CSMD2: variants seen among roughly 807,000 people sequenced by gnomAD.
CSMD2 encodes CUB and sushi domain-containing protein 2.
CSMD2 carries 130 observed loss-of-function variants against 398.5 expected under a neutral mutation model. The ratio of observed to expected loss-of-function variants is 0.33; its 90% CI spans 0.28 to 0.38. The LOEUF is 0.38. CSMD2 is among the 10% of genes least tolerant of loss of function. The pLI, the probability that CSMD2 is intolerant of heterozygous loss-of-function variation, is 1.00. For missense variants in CSMD2, 3,829 were observed against 4,764.9 expected, an observed-to-expected ratio of 0.80 and a Z score of 5.78; for synonymous variants, 1,828 against 1,908.5, an observed-to-expected ratio of 0.96 and a Z score of 1.10.
At chr1:33,689,457 C>T (rs993223246) in intron 25 of CSMD2, among the ~76,000 whole-genome samples, 2 of 152,134 alleles carry the variant, frequency 1.3e-5, no homozygotes, top group African/African-American at 4.8e-5. Flanking sequence ...TGCTATGTTA[C>T]TCTGGAGAGG....
intron 21 of CSMD2, among the ~76,000 whole-genome samples, chr1:33,710,257 C>A (rs1000379070): frequency 1.2e-4 from 19 of 152,234 alleles, no homozygotes; most frequent in Middle Eastern, 3.4e-3. Flanking sequence ...TATCTGAGCA[C>A]CTCCCATATT....
intron 28 of CSMD2, among the ~76,000 whole-genome samples, chr1:33,650,594 C>T (rs114236918): frequency 0.013 from 1,943 of 152,160 alleles, 45 homozygotes; most frequent in African/African-American, 0.045. Context: ...GGTAGGCAAG[C>T]ACCAGATTGT....
At chr1:34,138,257 T>C (rs986165103) in intron 1 of CSMD2, among the ~76,000 whole-genome samples, 1 of 152,214 alleles carries the variant, frequency 6.6e-6, no homozygotes, top group Non-Finnish European at 1.5e-5. Context: ...GCATGTACAT[T>C]GTACTTTGGA....
intron 53 of CSMD2, among the ~76,000 whole-genome samples, chr1:33,562,733 A>G (rs1227433950): frequency 1.3e-5 from 2 of 152,320 alleles, no homozygotes; most frequent in East Asian, 3.9e-4. Context: ...AGTGAAATAG[A>G]TTATGAGGCC....
At position 33,569,383 on chromosome 1, in the gene CSMD2, G is replaced by A. The variant is rs762123278; in HGVS notation, c.8122C>T (p.Arg2708Cys). ...TGCAGAGGTCACTTACCAAGGCAGCGGACTTCAGAGCCACTCCAGAGCCCA... is the reference window on the plus strand; with the variant it reads ...TGCAGAGGTCACTTACCAAGGCAGCAGACTTCAGAGCCACTCCAGAGCCCA... ...ANGLWSGSEV[R>C]CLATQTKLHS... The change falls in exon 52 of 71, where the codon CGC becomes TGC. Residue 2708 changes from arginine (R) to cysteine (C), a missense_variant. Arg to Cys is a radical substitution (Grantham distance 180). Coordinates refer to ENST00000373381, the MANE Select transcript of CSMD2 (RefSeq NM_001281956.2). The A allele has an allele frequency of 1.1e-5, 18 of 1,613,438 alleles. No homozygotes were observed. In the African/African-American group the frequency reaches 1.6e-4, roughly 14 times the overall value.
At chr1:33,902,221 A>T (rs4653360) in intron 5 of CSMD2, among the ~76,000 whole-genome samples, 30,323 of 151,866 alleles carry the variant, frequency 0.2, 3,070 homozygotes, top group South Asian at 0.26. Context: ...TATTTTTTTT[A>T]AAAGTTGGGG....
chr1:33,573,097 T>A (rs1219251843), intron 49 of CSMD2, among the ~76,000 whole-genome samples: 1 of 152,194 alleles, frequency 6.6e-6, no homozygotes, highest in Non-Finnish European at 1.5e-5. Flanking sequence ...GGAGTTGGCA[T>A]CCCAGAGGAA....
chr1:33,952,807 C>T (rs750819751), intron 3 of CSMD2, among the ~76,000 whole-genome samples: 4 of 152,142 alleles, frequency 2.6e-5, no homozygotes, highest in Non-Finnish European at 4.4e-5. Context: ...ACAGTAGACA[C>T]GCAAAAACTA....
intron 29 of CSMD2, among the ~76,000 whole-genome samples, chr1:33,641,777 C>T (rs935213172): frequency 6.6e-6 from 1 of 152,162 alleles, no homozygotes; most frequent in Non-Finnish European, 1.5e-5. Context: ...ACAGAAGGGT[C>T]CGTCGGTCTA....
intron 9 of CSMD2, among the ~76,000 whole-genome samples, chr1:33,818,014 C>G (rs1307599774): frequency 6.6e-6 from 1 of 152,222 alleles, no homozygotes; most frequent in Non-Finnish European, 1.5e-5. Context: ...CAGGTCAAAA[C>G]CAGCCCTTCT....
chr1:33,810,332 G>A (rs1656715067), intron 10 of CSMD2, among the ~76,000 whole-genome samples: 3 of 152,150 alleles, frequency 2.0e-5, no homozygotes, highest in South Asian at 2.1e-4. Flanking sequence ...TTTATATGAA[G>A]TTCAAACGTT....
chr1:33,863,946 C>G (rs192872121), intron 5 of CSMD2: 13 of 441,860 alleles, frequency 2.9e-5, no homozygotes, highest in Non-Finnish European at 4.8e-5. Flanking sequence ...CCAACCAATA[C>G]GAGCACCTGT....
intron 12 of CSMD2, among the ~76,000 whole-genome samples, chr1:33,783,852 G>A (rs1415248115): frequency 6.6e-6 from 1 of 152,160 alleles, no homozygotes; most frequent in Non-Finnish European, 1.5e-5. Flanking sequence ...AAACCACCCA[G>A]TCTTTTTTGT....
chr1:33,708,236 C>T (rs1438435700), intron 22 of CSMD2, among the ~76,000 whole-genome samples: 2 of 152,176 alleles, frequency 1.3e-5, no homozygotes, highest in Non-Finnish European at 2.9e-5. Flanking sequence ...TTACATATGT[C>T]TCAAACTCAC....
chr1:34,111,635 A>G (rs942474592), intron 1 of CSMD2, among the ~76,000 whole-genome samples: 5 of 152,236 alleles, frequency 3.3e-5, no homozygotes, highest in Admixed American at 1.3e-4. Context: ...CCCATTTAAC[A>G]AATGGGGATC....
At position 33,559,596 on chromosome 1, in the gene CSMD2, C is replaced by G; in HGVS notation, c.8381-123G>C. On this transcript the variant is annotated intron_variant, in intron 53 of 70. Transcript: ENST00000373381. The surrounding 1 kb of genome is among the most constrained non-coding windows in gnomAD (Gnocchi z 4.0). ...GTTCAGCCCTAAGTCTAACTTCAAT[C>G]TCTTTTGCTGTAAAACCTTTATAAA... The G allele has an allele frequency of 1.2e-6, 1 of 831,902 alleles. No individual in the cohort carries two copies. Among genetic ancestry groups the G allele is most frequent in the Non-Finnish European group, 1.9e-6 (1 of 537,260 alleles). 51.5% of individuals were successfully genotyped at this position (831,902 alleles called of 1,614,324 possible). A position where few individuals can be genotyped will look rare whatever the true frequency, so the allele number is the denominator to read the frequency against.
intron 2 of CSMD2, among the ~76,000 whole-genome samples, chr1:34,060,314 TG>T (rs1654326473): frequency 6.6e-6 from 1 of 152,236 alleles, no homozygotes; most frequent in Admixed American, 6.5e-5. Flanking sequence ...GTGTTATCAG[TG>T]GTTCTTTCTG....
intron 5 of CSMD2, among the ~76,000 whole-genome samples, chr1:33,909,398 G>A (rs1643319268): frequency 6.6e-6 from 1 of 152,114 alleles, no homozygotes; most frequent in African/African-American, 2.4e-5. Context: ...GGTCCCCACT[G>A]CTGTTATTCC....
At chr1:33,663,806 T>C (rs1644221754) in intron 25 of CSMD2, among the ~76,000 whole-genome samples, 1 of 152,112 alleles carries the variant, frequency 6.6e-6, no homozygotes, top group Non-Finnish European at 1.5e-5. Flanking sequence ...CAAGCCTGTG[T>C]GACTCTCTCT....
Sources: allele counts gnomAD v4.1 joint callset (sites outside exome capture counted in the v4.1 genomes callset), GRCh38; gene constraint gnomAD v4.1.1; non-coding constraint Gnocchi (gnomAD v3.1); transcripts MANE v1.5; gene names NCBI Gene and HGNC (gene_info 2026-07-23, HGNC 2026-07-21).